Variants in KHDRBS2 observed in about 807,000 individuals in gnomAD.
The protein encoded by KHDRBS2 is KH domain-containing, RNA-binding, signal transduction-associated protein 2.
Under a neutral mutation model 44.3 loss-of-function variants are expected in KHDRBS2, and 26 were observed. That is an observed-to-expected ratio of 0.59 (90% CI 0.43 to 0.81). The LOEUF (loss-of-function observed/expected upper bound fraction) is 0.81. KHDRBS2 is among the 40% of genes least tolerant of loss of function. KHDRBS2 has a pLI of 0.00. For synonymous variants in KHDRBS2, 194 were observed against 151.1 expected (o/e 1.28, Z -2.08); for missense variants, 476 against 433.1 (o/e 1.10, Z -0.88).
chr6:61,621,365 A>G, the KHDRBS2 span, among the ~76,000 whole-genome samples: 1 of 152,230 alleles, frequency 6.6e-6, no homozygotes, highest in Non-Finnish European at 1.5e-5. Flanking sequence ...AAAATTAGAA[A>G]TGAAAACTAA....
intron 6 of KHDRBS2, among the ~76,000 whole-genome samples, chr6:61,801,275 T>C: frequency 6.6e-6 from 1 of 152,142 alleles, no homozygotes; most frequent in East Asian, 1.9e-4. Flanking sequence ...TAGACATTGA[T>C]TTCTATCCTT....
At chr6:62,073,535 T>TTC (rs1554375494) in intron 2 of KHDRBS2, among the ~76,000 whole-genome samples, 1 of 148,038 alleles carries the variant, frequency 6.8e-6, no homozygotes, top group Non-Finnish European at 1.5e-5. Flanking sequence ...TTTTTCTTTT[T>TTC]TTTTTTTTTT....
chr6:61,636,041 A>G, the KHDRBS2 span, among the ~76,000 whole-genome samples: 5 of 152,044 alleles, frequency 3.3e-5, no homozygotes, highest in Non-Finnish European at 7.4e-5. Context: ...TTCTTATCCT[A>G]TGCTGGGAAA....
At chr6:62,042,467 T>C (rs947804181) in intron 3 of KHDRBS2, among the ~76,000 whole-genome samples, 2 of 152,162 alleles carry the variant, frequency 1.3e-5, no homozygotes, top group Middle Eastern at 3.4e-3. Flanking sequence ...CTTGATTTTG[T>C]AGGATTATAA....
chr6:62,121,335 C>T (rs1807582520), intron 2 of KHDRBS2, among the ~76,000 whole-genome samples: 1 of 152,204 alleles, frequency 6.6e-6, no homozygotes, highest in Non-Finnish European at 1.5e-5. Context: ...CCATCAAGGA[C>T]TTGAGAGACT....
intron 1 of KHDRBS2, among the ~76,000 whole-genome samples, chr6:62,285,444 G>A (rs1213364306): frequency 1.3e-5 from 2 of 152,076 alleles, no homozygotes; most frequent in Non-Finnish European, 2.9e-5. Context: ...CCTAAATGCA[G>A]CAAAAAATAA....
chr6:61,861,728 A>G (rs542812171), intron 6 of KHDRBS2, among the ~76,000 whole-genome samples: 1 of 151,610 alleles, frequency 6.6e-6, no homozygotes, highest in South Asian at 2.1e-4. Flanking sequence ...ATTTTAAAAT[A>G]GACTTTTCTA....
chr6:61,827,706 T>G (rs1266277954), intron 6 of KHDRBS2, among the ~76,000 whole-genome samples: 16 of 152,120 alleles, frequency 1.1e-4, no homozygotes. Flanking sequence ...GGTCCGACTC[T>G]GGTGAGGACT....
the KHDRBS2 span, among the ~76,000 whole-genome samples, chr6:61,614,173 A>ATTTGAAGCTAG: frequency 1.1e-4 from 16 of 152,284 alleles, no homozygotes; most frequent in African/African-American, 3.8e-4. Context: ...TAAAGTCAGG[A>ATTTGAAGCTAG]TTTGAAGCTA....
intron 4 of KHDRBS2, among the ~76,000 whole-genome samples, chr6:61,945,704 T>G (rs1212389439): frequency 6.6e-6 from 1 of 151,660 alleles, no homozygotes; most frequent in Admixed American, 6.6e-5. Flanking sequence ...AAAACACCTT[T>G]CAAAGTAAAT....
At chr6:61,996,804 G>A (rs1238027553) in intron 3 of KHDRBS2, among the ~76,000 whole-genome samples, 54 of 113,286 alleles carry the variant, frequency 4.8e-4, no homozygotes, top group African/African-American at 1.8e-3. Flanking sequence ...ACCCCCCCGA[G>A]ATAGAGTCTT....
intron 4 of KHDRBS2, among the ~76,000 whole-genome samples, chr6:61,914,894 C>G (rs1406775478): frequency 6.6e-6 from 1 of 152,074 alleles, no homozygotes; most frequent in African/African-American, 2.4e-5. Flanking sequence ...GAGTTGAGAA[C>G]TTGTCAGTTA....
rs780099528 is a variant in KHDRBS2, at chr6:62,239,836, C to T, written c.91+46022G>A. ...GAGTAGCTGGGATTACAGGTGCCCA[C>T]CACCATGCCCGACCAATTTTTGTAT... On this transcript the variant is annotated intron_variant, in intron 1 of 8. Transcript: ENST00000281156. Among the ~76,000 whole-genome samples, 3 of 151,910 alleles carry T rather than the reference C, an allele frequency of 2.0e-5. No individual in the cohort carries two copies. In the East Asian group the frequency reaches 5.9e-4, roughly 30 times the overall value.
At chr6:61,634,632 T>C in the KHDRBS2 span, among the ~76,000 whole-genome samples, 1 of 152,052 alleles carries the variant, frequency 6.6e-6, no homozygotes, top group Non-Finnish European at 1.5e-5. Context: ...TCAATTTATT[T>C]TAGGAAAGCA....
intron 1 of KHDRBS2, among the ~76,000 whole-genome samples, chr6:62,275,669 T>G (rs1840816303): frequency 6.6e-6 from 1 of 152,320 alleles, no homozygotes; most frequent in East Asian, 1.9e-4. Context: ...TTCACTCTTC[T>G]AAAAGTTTAT....
intron 1 of KHDRBS2, among the ~76,000 whole-genome samples, chr6:62,279,137 C>A (rs987656719): frequency 6.6e-6 from 1 of 151,766 alleles, no homozygotes; most frequent in African/African-American, 2.4e-5. Context: ...AAAAAGCAGA[C>A]ACACACAAAG....
chr6:62,150,678 C>T (rs1814964692), intron 2 of KHDRBS2, among the ~76,000 whole-genome samples: 1 of 152,118 alleles, frequency 6.6e-6, no homozygotes. Context: ...ATGAAAAATG[C>T]CGATTCCTTT....
intron 6 of KHDRBS2, among the ~76,000 whole-genome samples, chr6:61,857,092 T>C (rs1322665206): frequency 1.3e-5 from 2 of 152,054 alleles, no homozygotes; most frequent in Non-Finnish European, 2.9e-5. Flanking sequence ...GTAATTCCAG[T>C]AATGATAATA....
At chr6:61,694,521 G>T (rs1767698281) in intron 8 of KHDRBS2, among the ~76,000 whole-genome samples, 1 of 152,124 alleles carries the variant, frequency 6.6e-6, no homozygotes, top group African/African-American at 2.4e-5. Context: ...GTAACCAATT[G>T]TACAAGGCTT....
Sources: gnomAD v4.1 joint callset for allele counts (sites outside exome capture counted in the v4.1 genomes callset) on GRCh38, gnomAD v4.1.1 for gene constraint, MANE v1.5 for transcripts, NCBI Gene and HGNC (gene_info 2026-07-23, HGNC 2026-07-21) for gene names.